The following TMEM94 variants were observed in gnomAD, a reference collection of about 807,000 sequenced individuals.
TMEM94 encodes transmembrane protein 94, also known as ER Mg2+ ATPase.
Under a neutral mutation model 158.6 loss-of-function variants are expected in TMEM94, and 81 were observed. The ratio of observed to expected loss-of-function variants is 0.51; its 90% CI spans 0.43 to 0.61. The LOEUF (loss-of-function observed/expected upper bound fraction) is 0.61. Among genes scored for constraint, TMEM94 ranks in the 20% least tolerant of loss-of-function variants. TMEM94 has a pLI of 0.00. For synonymous variants in TMEM94, 751 were observed against 730.7 expected, an observed-to-expected ratio of 1.03 and a Z score of -0.45; for missense variants, 1,435 against 1,762.0, an observed-to-expected ratio of 0.81 and a Z score of 3.32.
chr17:75,497,141 C>T lies in TMEM94; in HGVS notation c.3350C>T (p.Pro1117Leu). The change falls in exon 26 of 32, where the codon CCA becomes CTA. Residue 1117 changes from proline (P) to leucine (L), a missense_variant. By Grantham distance (98) the Pro-to-Leu change is moderately conservative. Around this residue, in one of 3 missense-constraint regions of TMEM94, gnomAD observed 335 missense variants for 409.1 expected, o/e 0.82. Transcript: ENST00000314256. The stretch of plus-strand genomic sequence containing the variant: ...CTTTCTTGCCTGGTCCAGCTGCCGC[C>T]ACTCCTGAGTACCACCGACATCCTG... ...QFLSCLVQLP[P>L]LLSTTDILWL... is the part of the protein sequence containing the mutation. 6.2e-7 allele frequency: 1 copy of T among 1,614,128 alleles called. No homozygotes were observed. Among genetic ancestry groups the T allele is most frequent in the East Asian group, 2.2e-5 (1 of 44,872 alleles).
chr17:75,479,616 C>T (rs1004383182), intron 2 of TMEM94, among the ~76,000 whole-genome samples: 2 of 151,724 alleles, frequency 1.3e-5, no homozygotes, highest in Non-Finnish European at 1.5e-5. Context: ...CTGAGCCCGG[C>T]CTACAAAAAA....
In TMEM94 at chr17:75,498,433, C is replaced by T; in HGVS notation, c.3639-11C>T. 1 of 1,591,392 alleles carries T rather than the reference C, an allele frequency of 6.3e-7. No homozygotes were observed. Among genetic ancestry groups the T allele is most frequent in the Non-Finnish European group, 8.6e-7 (1 of 1,166,466 alleles). On this transcript the variant is annotated splice_polypyrimidine_tract_variant and intron_variant, in intron 28 of 31. Transcript: ENST00000314256. The surrounding 1 kb of genome is among the most constrained non-coding windows in gnomAD (Gnocchi z 6.7). Reference sequence around the variant, plus strand: ...CCCTAGAGGGGCTGAGCCCATGCCTCACTTTGGCAGCAACGACGACAGGGC... The same window carrying T: ...CCCTAGAGGGGCTGAGCCCATGCCTTACTTTGGCAGCAACGACGACAGGGC...
At chr17:75,497,922 G>A in intron 27 of TMEM94, 60 bp downstream of exon 27, 2 of 1,477,398 alleles carry the variant, frequency 1.4e-6, no homozygotes, top group South Asian at 1.1e-5. Context: ...GAGGATTGGG[G>A]GAGGAGAGAG....
chr17:75,495,700 C>T lies in TMEM94; in HGVS notation c.2944+57C>T. 5.9e-6 allele frequency: 9 copies of T among 1,538,116 alleles called. No homozygotes were observed. Among genetic ancestry groups the T allele is most frequent in the Non-Finnish European group, 8.1e-6 (9 of 1,114,408 alleles). On this transcript the variant is annotated intron_variant, in intron 22 of 31. Coordinates refer to ENST00000314256, the MANE Select transcript of TMEM94 (RefSeq NM_014738.6). The surrounding 1 kb of genome is among the most constrained non-coding windows in gnomAD (Gnocchi z 5.6). ...CCTGGTCCCGTCGGCTGAGCTCTGC[C>T]TGGGCCTGCGTACCCCGTGGGCTCT...
Position 75,485,305 on chromosome 17 carries a change from A to C in TMEM94, c.25-123A>C. ...TTGAGAGGCCAGAGCTGGTAGGGGAAGAGATGTGAGGATCCCAGAGGAGGG... is the reference window on the plus strand; with the variant it reads ...TTGAGAGGCCAGAGCTGGTAGGGGACGAGATGTGAGGATCCCAGAGGAGGG... On this transcript the variant is annotated intron_variant, in intron 2 of 31. Transcript: ENST00000314256. The surrounding 1 kb of genome is among the most constrained non-coding windows in gnomAD (Gnocchi z 5.5). 23 of 1,101,908 alleles carry C rather than the reference A, an allele frequency of 2.1e-5. No individual in the cohort carries two copies. The highest frequency in any genetic ancestry group is 2.8e-5 in the Non-Finnish European group (22 of 772,618). The allele number at this position is 1,101,908 out of a possible 1,614,324, so 68.3% of individuals were successfully genotyped here.
At position 75,493,015 on chromosome 17, in the gene TMEM94, A is replaced by G; in HGVS notation, c.1999A>G (p.Thr667Ala). ...CCCCAGTGCCGAGACAATGAAGGAG[A>G]CATCGCTGGGGCGGCTCTCCTGTGT... ...RLPSAETMKETSLGRLSCVTK... is the reference protein window; with the variant it reads ...RLPSAETMKEASLGRLSCVTK... The change falls in exon 16 of 32, where the codon ACA becomes GCA. Residue 667 changes from threonine to alanine, a missense_variant. Thr to Ala is a moderately conservative substitution (Grantham distance 58). This residue lies in a region of TMEM94 where 1,051 missense variants were observed against 1,254.4 expected (regional missense o/e 0.84). Transcript: ENST00000314256. 1 of 1,613,760 alleles carries G rather than the reference A, an allele frequency of 6.2e-7. No homozygotes were observed. Among genetic ancestry groups the G allele is most frequent in the Non-Finnish European group, 8.5e-7 (1 of 1,180,012 alleles).
At position 75,494,993 on chromosome 17, in the gene TMEM94, GC is replaced by G. The variant is rs776577718; in HGVS notation, c.2691del (p.Ser898AlafsTer10). 1.2e-5 allele frequency: 18 copies of G among 1,542,976 alleles called. No homozygotes were observed. Among genetic ancestry groups the G allele is most frequent in the Non-Finnish European group, 1.6e-5 (18 of 1,138,684 alleles). Reference protein sequence around the residue: ...DMPGSEIPPSSPSHAGSLHDD... With the variant: ...DMPGSEIPPSXPSHAGSLHDD... ...CCTGGCTCCGAGATCCCCCCCTCCA[GC>G]CCCAGCCACGCAGGCTCCCTGCATG... On this transcript the variant is annotated frameshift_variant, in exon 20 of 32. Coordinates refer to ENST00000314256, the MANE Select transcript of TMEM94 (RefSeq NM_014738.6). LOFTEE classifies it high-confidence loss of function.
intron 2 of TMEM94, chr17:75,476,458 TCCTC>T: frequency 7.7e-7 from 1 of 1,300,838 alleles, no homozygotes; most frequent in Non-Finnish European, 9.9e-7. Flanking sequence ...TGCTGCCTCC[TCCTC>T]CCTCCCTGAA....
rs116292254 is a variant in TMEM94 at position 75,491,552 on chromosome 17, G to A, written c.1386+97G>A. 1.2e-3 allele frequency: 1,931 copies of A among 1,587,900 alleles called. 17 individuals carry two copies. The African/African-American group carries it at 0.022, about 18-fold the overall frequency. On this transcript the variant is annotated intron_variant, in intron 13 of 31. Coordinates refer to ENST00000314256, the MANE Select transcript of TMEM94 (RefSeq NM_014738.6). The surrounding 1 kb of genome is among the most constrained non-coding windows in gnomAD (Gnocchi z 5.1). Reference sequence around the variant, plus strand: ...CAGGGAGGGTGAGGTTTCGGAGGGCGAAGGAGGGTTTGGGCACCATTAGGA... The same window carrying A: ...CAGGGAGGGTGAGGTTTCGGAGGGCAAAGGAGGGTTTGGGCACCATTAGGA...
Position 75,485,566 on chromosome 17 carries a change from G to A in TMEM94, c.144+19G>A, listed in dbSNP as rs752068527. On this transcript the variant is annotated intron_variant, in intron 3 of 31. Transcript: ENST00000314256. The surrounding 1 kb of genome is among the most constrained non-coding windows in gnomAD (Gnocchi z 5.5). ...GTGGAAGGTGAAGCTTCTTCTCGGGGCTACCAGGGCCTGGCTGGGATGGCA... is the reference window on the plus strand; with the variant it reads ...GTGGAAGGTGAAGCTTCTTCTCGGGACTACCAGGGCCTGGCTGGGATGGCA... 1.2e-6 allele frequency: 2 copies of A among 1,614,098 alleles called. No individual in the cohort carries two copies. Among genetic ancestry groups the A allele is most frequent in the Non-Finnish European group, 1.7e-6 (2 of 1,179,954 alleles).
Position 75,486,356 on chromosome 17 carries a change from C to G in TMEM94, c.339C>G (p.Ile113Met). Residue 113 changes from isoleucine (I) to methionine (M), a missense_variant, in exon 5 of 32, where the codon ATC (isoleucine) becomes ATG (methionine). Around this residue, in one of 3 missense-constraint regions of TMEM94, gnomAD observed 1,051 missense variants for 1,254.4 expected, o/e 0.84. Transcript: ENST00000314256. ...TACTGCTTCTCAACCTTGTGCTCAT[C>G]GGGCGGCAAGACCGGCTGAAGCGTC... is the stretch of plus-strand genomic sequence containing the variant. ...FLLLLLNLVL[I>M]GRQDRLKRRE... The G allele has an allele frequency of 1.9e-6, 3 of 1,614,190 alleles. No homozygotes were observed. The highest frequency in any genetic ancestry group is 2.2e-5 in the East Asian group (1 of 44,882).
At chr17:75,486,221 T>C (rs974439290) in intron 4 of TMEM94, 69 bp from the exon 5 acceptor site, 3 of 1,597,004 alleles carry the variant, frequency 1.9e-6, no homozygotes, top group Admixed American at 1.7e-5. Flanking sequence ...AGGGGAGCTG[T>C]GGCCTGGGGG....
Position 75,487,989 on chromosome 17 carries a change from A to G in TMEM94, c.467A>G (p.His156Arg), listed in dbSNP as rs745404450. 4 of 1,614,152 alleles carry G rather than the reference A, an allele frequency of 2.5e-6. No individual in the cohort carries two copies. The South Asian group carries it at 3.3e-5, about 13-fold the overall frequency. Residue 156 changes from histidine (H) to arginine (R), a missense_variant, in exon 6 of 32, where the codon CAC becomes CGC. Physicochemically the swap from His to Arg is conservative, Grantham distance 29. Around this residue, in one of 3 missense-constraint regions of TMEM94, gnomAD observed 1,051 missense variants for 1,254.4 expected, o/e 0.84. Coordinates refer to ENST00000314256, the MANE Select transcript of TMEM94 (RefSeq NM_014738.6). The surrounding 1 kb of genome is among the most constrained non-coding windows in gnomAD (Gnocchi z 4.6). The stretch of plus-strand genomic sequence containing the variant: ...CCCAGTGCCATGTATCCAGACCTCC[A>G]CATGCCTTTTGCGCCATCCTGGTCC... ...QWPSAMYPDL[H>R]MPFAPSWSLH...
At chr17:75,458,273 C>T (rs570425261) in intron 1 of TMEM94, among the ~76,000 whole-genome samples, 4 of 151,814 alleles carry the variant, frequency 2.6e-5, no homozygotes, top group Non-Finnish European at 4.4e-5. Flanking sequence ...AGAAATGGCA[C>T]TGTGGTATCT....
intron 1 of TMEM94, among the ~76,000 whole-genome samples, chr17:75,464,602 CT>C (rs1567906554): frequency 2.9e-4 from 17 of 58,110 alleles, no homozygotes; most frequent in African/African-American, 5.3e-4. Flanking sequence ...TTCTTTCTTT[CT>C]TTCCTTCCTT....
intron 11 of TMEM94, 42 bp downstream of exon 11, chr17:75,490,800 G>A (rs2052104344): frequency 6.3e-7 from 1 of 1,575,254 alleles, no homozygotes; most frequent in Non-Finnish European, 8.7e-7. Context: ...CAGGTCCCTA[G>A]AGCCATAACC....
In TMEM94 at chr17:75,460,475, A is replaced by G. The variant is rs139758045; in HGVS notation, c.-107+3724A>G. Among the ~76,000 whole-genome samples, 1,026 of 152,188 alleles carry G rather than the reference A, an allele frequency of 6.7e-3. 11 individuals carry two copies. Among genetic ancestry groups the G allele is most frequent in the South Asian group, 0.018 (89 of 4,828 alleles). On this transcript the variant is annotated intron_variant, in intron 1 of 31. Transcript: ENST00000314256. ...CAAGTAGGGAATGTTGCTTAGCTAT[A>G]AGGCAGAGCCTATTGCAAAATCAGA...
chr17:75,463,178 G>GTGTGTGTATATATATATA (rs1180723796), intron 1 of TMEM94, among the ~76,000 whole-genome samples: 3 of 15,062 alleles, frequency 2.0e-4, no homozygotes, highest in African/African-American at 5.0e-4. Context: ...GTGTGTGTGT[G>GTGTGTGTATATATATATA]TATATATATA....
chr17:75,489,642 T>G lies in TMEM94; in HGVS notation c.934T>G (p.Tyr312Asp). Reference protein sequence around the residue: ...FSAPGVTSWQYTLLQLQVNGV... With the variant: ...FSAPGVTSWQDTLLQLQVNGV... ...TGCCCCGGGGGTCACTTCCTGGCAG[T>G]ACACCCTCCTCCAGCTCCAGGCAAG... The change falls in exon 9 of 32, where the codon TAC (tyrosine) becomes GAC (aspartate). Residue 312 changes from tyrosine (Y) to aspartate (D), a missense_variant. By Grantham distance (160) the Tyr-to-Asp change is radical. Transcript: ENST00000314256. The surrounding 1 kb of genome is among the most constrained non-coding windows in gnomAD (Gnocchi z 5.0). The G allele has an allele frequency of 6.2e-7, 1 of 1,613,822 alleles. No homozygotes were observed. Among genetic ancestry groups the G allele is most frequent in the East Asian group, 2.2e-5 (1 of 44,882 alleles).
Sources: allele counts gnomAD v4.1 joint callset (sites outside exome capture counted in the v4.1 genomes callset), GRCh38; gene constraint gnomAD v4.1.1; regional missense constraint gnomAD v4.1.1; non-coding constraint Gnocchi (gnomAD v3.1); transcripts MANE v1.5; gene names NCBI Gene and HGNC (gene_info 2026-07-23, HGNC 2026-07-21).